The following ZC3H13 variants were observed in gnomAD, a reference collection of about 807,000 sequenced individuals.
The protein encoded by ZC3H13 is zinc finger CCCH domain-containing protein 13.
A neutral mutation model predicts 204.1 loss-of-function variants in ZC3H13; 64 were observed. That is an observed-to-expected ratio of 0.31 (90% CI 0.26 to 0.39). ZC3H13 has a LOEUF of 0.39. Among genes scored for constraint, ZC3H13 ranks in the 10% least tolerant of loss-of-function variants. The pLI is 1.00. For missense variants in ZC3H13, 1,833 were observed against 2,082.7 expected (o/e 0.88, Z 2.33); for synonymous variants, 667 against 693.7 (o/e 0.96, Z 0.60).
At chr13:45,971,508 A>G (rs1952582096) in intron 12 of ZC3H13, among the ~76,000 whole-genome samples, 2 of 152,230 alleles carry the variant, frequency 1.3e-5, no homozygotes, top group Admixed American at 6.5e-5. Context: ...AACAAAAATC[A>G]GCTCAAGAAG....
chr13:45,972,477 G>A (rs1203686324), intron 12 of ZC3H13, among the ~76,000 whole-genome samples: 2 of 152,116 alleles, frequency 1.3e-5, no homozygotes, highest in South Asian at 2.1e-4. Flanking sequence ...GGATAAAAAC[G>A]TACATGTTTG....
intron 8 of ZC3H13, among the ~76,000 whole-genome samples, chr13:46,002,055 G>GA (rs2040787890): frequency 6.6e-6 from 1 of 150,866 alleles, no homozygotes; most frequent in Non-Finnish European, 1.5e-5. Flanking sequence ...GAACTCAACA[G>GA]AAAAAAAATC....
chr13:45,968,393 T>C (rs1200556861), intron 14 of ZC3H13, among the ~76,000 whole-genome samples: 1 of 152,156 alleles, frequency 6.6e-6, no homozygotes, highest in Non-Finnish European at 1.5e-5. Context: ...CCTACTCCCC[T>C]ATCTTATTTT....
intron 14 of ZC3H13, among the ~76,000 whole-genome samples, chr13:45,968,385 T>TA (rs762271199): frequency 6.6e-6 from 1 of 152,158 alleles, no homozygotes; most frequent in Non-Finnish European, 1.5e-5. Flanking sequence ...GATCTCCTCC[T>TA]ACTCCCCTAT....
At chr13:46,039,417 G>A (rs765539545) in intron 4 of ZC3H13, among the ~76,000 whole-genome samples, 6 of 152,214 alleles carry the variant, frequency 3.9e-5, no homozygotes, top group South Asian at 2.1e-4. Context: ...CATTTATTAC[G>A]CATGTGTCAT....
intron 10 of ZC3H13, among the ~76,000 whole-genome samples, chr13:45,981,220 T>C (rs111954664): frequency 1.6e-4 from 24 of 152,314 alleles, no homozygotes; most frequent in African/African-American, 5.5e-4. Context: ...AGAATTACCA[T>C]GGATAAATCT....
Position 46,010,440 on chromosome 13 carries a change from A to T in ZC3H13, c.654T>A (p.Ser218=). Residue 218 remains serine, a synonymous_variant, in exon 7 of 19, where the codon TCT becomes TCA. Transcript: ENST00000679008. Reference sequence around the variant, plus strand: ...ACTTCGGGCTTGATTTTCGCTTCGGAGATTTGCTAGACTTTCTTAGAGAAG... The same window carrying T: ...ACTTCGGGCTTGATTTTCGCTTCGGTGATTTGCTAGACTTTCTTAGAGAAG... ...PSPSLRKSSK[S]PKRKSSPKSS... 2 of 1,613,672 alleles carry T rather than the reference A, an allele frequency of 1.2e-6. No homozygotes were observed. Among genetic ancestry groups the T allele is most frequent in the Non-Finnish European group, 1.7e-6 (2 of 1,179,758 alleles).
Position 45,969,555 on chromosome 13 carries a change from CT to C in ZC3H13, c.2988del (p.Gly997AspfsTer40). On this transcript the variant is annotated frameshift_variant, in exon 14 of 19. Transcript: ENST00000679008. LOFTEE classifies it high-confidence loss of function. ...SEDGQVFSPK[K>X]GQKKKSIEKK... ...TTTTCAATGCTTTTCTTTTTCTGTC[CT>C]TTTTTTGGTGAAAATACTTGACCAT... 1.2e-6 allele frequency: 2 copies of C among 1,608,636 alleles called. No homozygotes were observed. The highest frequency in any genetic ancestry group is 1.1e-5 in the South Asian group (1 of 89,422).
chr13:45,975,174 G>C, intron 12 of ZC3H13, 109 bp downstream of exon 12: 1 of 1,467,244 alleles, frequency 6.8e-7, no homozygotes, highest in South Asian at 1.4e-5. Context: ...AAAATATACA[G>C]AGAAAAAAAA....
At chr13:46,023,494 C>T (rs538466482) in intron 4 of ZC3H13, among the ~76,000 whole-genome samples, 5 of 152,172 alleles carry the variant, frequency 3.3e-5, no homozygotes, top group South Asian at 2.1e-4. Flanking sequence ...GCATATTAAT[C>T]GGCTAGTGTG....
chr13:46,021,718 G>GA (rs2042230743), intron 4 of ZC3H13, among the ~76,000 whole-genome samples: 3 of 151,644 alleles, frequency 2.0e-5, no homozygotes, highest in African/African-American at 7.3e-5. Context: ...AACCTGCCAT[G>GA]AAAAAAATGG....
At chr13:45,963,698 G>GTTT in intron 17 of ZC3H13, 144 bp downstream of exon 17, 1 of 1,488,082 alleles carries the variant, frequency 6.7e-7, no homozygotes. Context: ...TGACCATGAG[G>GTTT]GTTAAATAAT....
At chr13:46,020,624 T>A in intron 4 of ZC3H13, 67 bp from the exon 5 acceptor site, 1 of 1,018,248 alleles carries the variant, frequency 9.8e-7, no homozygotes, top group Non-Finnish European at 1.4e-6. Flanking sequence ...TTTATTGTAA[T>A]AAGAGAACAT....
intron 8 of ZC3H13, among the ~76,000 whole-genome samples, chr13:45,999,969 T>G (rs2040621200): frequency 6.6e-6 from 1 of 152,226 alleles, no homozygotes; most frequent in Non-Finnish European, 1.5e-5. Flanking sequence ...CAAACAGTAG[T>G]ATTTTGAATG....
At chr13:45,958,546 A>G (rs922197000) in intron 18 of ZC3H13, among the ~76,000 whole-genome samples, 1 of 151,922 alleles carries the variant, frequency 6.6e-6, no homozygotes, top group Non-Finnish European at 1.5e-5. Context: ...TCCAAAGAGC[A>G]TTTCCTTTGA....
rs149835200 is a variant in ZC3H13 at position 45,985,654 on chromosome 13, C to T, written c.1363G>A (p.Gly455Ser). 1.9e-4 allele frequency: 301 copies of T among 1,613,948 alleles called. 1 individual carries two copies. The African/African-American group carries it at 3.6e-3, about 19-fold the overall frequency. The change falls in exon 10 of 19, where the codon GGT becomes AGT. Residue 455 changes from glycine (G) to serine (S), a missense_variant. Physicochemically the swap from Gly to Ser is moderately conservative, Grantham distance 56 (BLOSUM62 0). Transcript: ENST00000679008. ...DHRDDREPRDGRDRRDARDTR... is the reference protein window; with the variant it reads ...DHRDDREPRDSRDRRDARDTR... ...TCTCTGGCATCTCTCCGATCCCGAC[C>T]ATCTCGAGGTTCTCTGTCATCTCTG...
At chr13:45,998,371 C>T (rs377029683) in intron 8 of ZC3H13, among the ~76,000 whole-genome samples, 7 of 151,988 alleles carry the variant, frequency 4.6e-5, no homozygotes, top group East Asian at 1.9e-4. Flanking sequence ...ACAGGCCGGG[C>T]GCGGTGGCTC....
intron 17 of ZC3H13, 31 bp downstream of exon 17, chr13:45,963,810 GA>G (rs1245981075): frequency 1.2e-6 from 2 of 1,612,856 alleles, no homozygotes; most frequent in South Asian, 2.2e-5. Flanking sequence ...ATGGTTAACA[GA>G]CATTATATAG....
intron 10 of ZC3H13, 81 bp from the exon 11 acceptor site, chr13:45,980,085 A>C: frequency 8.6e-7 from 1 of 1,159,818 alleles, no homozygotes; most frequent in Non-Finnish European, 1.2e-6. Flanking sequence ...TTTCCTCCTA[A>C]ACATCACTAA....
Sources: gnomAD v4.1 joint callset for allele counts (sites outside exome capture counted in the v4.1 genomes callset) on GRCh38, gnomAD v4.1.1 for gene constraint, MANE v1.5 for transcripts, NCBI Gene and HGNC (gene_info 2026-07-23, HGNC 2026-07-21) for gene names.